AMBRA1: variants seen among roughly 807,000 people sequenced by gnomAD.
AMBRA1 encodes the protein autophagy and beclin 1 regulator 1.
AMBRA1 carries 47 observed loss-of-function variants against 125.4 expected under a neutral mutation model. The observed-to-expected ratio is 0.37, with a 90% CI of 0.30 to 0.48. The LOEUF is 0.48. AMBRA1 is among the 20% of genes least tolerant of loss of function. The pLI is 0.99. For synonymous variants in AMBRA1, 626 were observed against 655.5 expected (o/e 0.95, Z 0.69); for missense variants, 1,331 against 1,693.4 (o/e 0.79, Z 3.76).
At chr11:46,555,241 A>G (rs1351789448) in intron 1 of AMBRA1, among the ~76,000 whole-genome samples, 1 of 152,168 alleles carries the variant, frequency 6.6e-6, no homozygotes. Flanking sequence ...ATATTTAACA[A>G]CTACTCATAA....
At chr11:46,547,383 G>T in intron 3 of AMBRA1, 87 bp from the exon 4 acceptor site, 1 of 1,166,626 alleles carries the variant, frequency 8.6e-7, no homozygotes, top group Non-Finnish European at 1.2e-6. Context: ...GAATATTGAT[G>T]CTACCTGCCA....
intron 15 of AMBRA1, among the ~76,000 whole-genome samples, chr11:46,413,556 T>A (rs1946392958): frequency 6.6e-6 from 1 of 151,950 alleles, no homozygotes; most frequent in Admixed American, 6.6e-5. Context: ...AATGGTGTGA[T>A]CTCGGCTCAC....
chr11:46,530,186 A>G (rs1255265036), intron 7 of AMBRA1, among the ~76,000 whole-genome samples: 2 of 150,320 alleles, frequency 1.3e-5, no homozygotes, highest in Non-Finnish European at 2.9e-5. Flanking sequence ...TTTGCAGCAC[A>G]CATACAGACG....
At chr11:46,429,203 A>G (rs1221562234) in intron 14 of AMBRA1, 9 of 1,422,148 alleles carry the variant, frequency 6.3e-6, no homozygotes, top group Non-Finnish European at 8.7e-6. Context: ...CCCTCGGACA[A>G]TCTTCGCCTA....
At chr11:46,586,931 C>G (rs2044423505) in intron 1 of AMBRA1, among the ~76,000 whole-genome samples, 1 of 152,154 alleles carries the variant, frequency 6.6e-6, no homozygotes, top group Non-Finnish European at 1.5e-5. Flanking sequence ...CCAATTTTCT[C>G]TGCAAATCAA....
chr11:46,565,392 T>C (rs533231187), intron 1 of AMBRA1, among the ~76,000 whole-genome samples: 1 of 152,082 alleles, frequency 6.6e-6, no homozygotes, highest in Non-Finnish European at 1.5e-5. Context: ...TCCAGAAAAA[T>C]GATAACTTAT....
chr11:46,502,104 T>C lies in AMBRA1; in HGVS notation c.2339+6087A>G, dbSNP rs1198278232. On this transcript the variant is annotated intron_variant, in intron 9 of 17. Transcript: ENST00000683756. The stretch of plus-strand genomic sequence containing the variant: ...TCTTTTTTTTTGTTTTAATTTTTTA[T>C]GAAAATAAAAAACTGCACAGGCTGG... 7.2e-5 allele frequency among the ~76,000 whole-genome samples: 11 copies of C among 152,268 alleles called. No individual in the cohort carries two copies. In the East Asian group the frequency reaches 2.1e-3, roughly 29 times the overall value.
intron 7 of AMBRA1, among the ~76,000 whole-genome samples, chr11:46,527,448 C>G (rs545546412): frequency 8.1e-6 from 1 of 123,940 alleles, no homozygotes; most frequent in East Asian, 2.2e-4. Flanking sequence ...CCACTGTATT[C>G]CAGCCTAGGT....
At chr11:46,424,995 C>T (rs1346389557) in intron 14 of AMBRA1, among the ~76,000 whole-genome samples, 3 of 151,774 alleles carry the variant, frequency 2.0e-5, no homozygotes, top group Admixed American at 1.3e-4. Flanking sequence ...ATTAGCCAGG[C>T]TGGTGGCAGG....
At chr11:46,549,108 C>T (rs547702801) in intron 1 of AMBRA1, 1 of 152,006 alleles carries the variant, frequency 6.6e-6, no homozygotes, top group African/African-American at 2.4e-5. Flanking sequence ...AAAAATCAGG[C>T]TCCTTTTCTC....
At chr11:46,585,695 A>AAAATATATATATATAT (rs1555017410) in intron 1 of AMBRA1, among the ~76,000 whole-genome samples, 2 of 22,912 alleles carry the variant, frequency 8.7e-5, no homozygotes, top group East Asian at 6.6e-4. Context: ...AAAAAAAAAA[A>AAAATATATATATATAT]ATATATATAT....
In AMBRA1 at chr11:46,494,120, T is replaced by A; in HGVS notation, c.2420+4A>T. 6.2e-7 allele frequency: 1 copy of A among 1,602,918 alleles called. No homozygotes were observed. The highest frequency in any genetic ancestry group is 8.5e-7 in the Non-Finnish European group (1 of 1,173,454). ...CCCTCTGTTGCTAGCAACTCGGTTC[T>A]TACCTTGGGACAAAGCGTCCAAGCG... On this transcript the variant is annotated splice_donor_region_variant and intron_variant, in intron 10 of 17. Transcript: ENST00000683756.
At chr11:46,524,911 T>A (rs1055480875) in intron 7 of AMBRA1, among the ~76,000 whole-genome samples, 2 of 152,248 alleles carry the variant, frequency 1.3e-5, no homozygotes, top group Non-Finnish European at 2.9e-5. Context: ...AACAGTCAGG[T>A]ATCCATCTAC....
intron 1 of AMBRA1, among the ~76,000 whole-genome samples, chr11:46,555,099 G>A (rs2135217693): frequency 6.6e-6 from 1 of 151,958 alleles, no homozygotes; most frequent in South Asian, 2.1e-4. Flanking sequence ...CAAACAAAAA[G>A]ACAAATGCCA....
intron 12 of AMBRA1, among the ~76,000 whole-genome samples, chr11:46,436,302 T>G (rs1389918699): frequency 1.3e-5 from 2 of 152,228 alleles, no homozygotes; most frequent in Non-Finnish European, 2.9e-5. Flanking sequence ...AAGAGTGATT[T>G]GTAAAACTCT....
intron 9 of AMBRA1, among the ~76,000 whole-genome samples, chr11:46,502,904 C>A (rs1465677894): frequency 6.6e-6 from 1 of 151,416 alleles, no homozygotes; most frequent in Non-Finnish European, 1.5e-5. Flanking sequence ...ACCTAAAATA[C>A]AAAAAAATTA....
At chr11:46,549,626 C>T (rs1218845901) in intron 1 of AMBRA1, among the ~76,000 whole-genome samples, 1 of 152,104 alleles carries the variant, frequency 6.6e-6, no homozygotes, top group African/African-American at 2.4e-5. Flanking sequence ...TCTAATACTT[C>T]AATTATCATT....
At chr11:46,537,470 C>A (rs976301191) in intron 7 of AMBRA1, among the ~76,000 whole-genome samples, 43 of 152,052 alleles carry the variant, frequency 2.8e-4, no homozygotes, top group Non-Finnish European at 3.1e-4. Context: ...CCATTGAAAC[C>A]ATTTTCTTTT....
intron 11 of AMBRA1, among the ~76,000 whole-genome samples, chr11:46,448,422 T>C (rs1049724889): frequency 1.3e-5 from 2 of 152,090 alleles, no homozygotes; most frequent in African/African-American, 2.4e-5. Flanking sequence ...TAAATGAAAA[T>C]GAAAACATGA....
Sources: allele counts gnomAD v4.1 joint callset (sites outside exome capture counted in the v4.1 genomes callset), GRCh38; gene constraint gnomAD v4.1.1; transcripts MANE v1.5; gene names NCBI Gene and HGNC (gene_info 2026-07-23, HGNC 2026-07-21).